WDR20: variants seen among roughly 807,000 people sequenced by gnomAD.
WDR20 encodes the protein WD repeat-containing protein 20.
WDR20 carries 3 observed loss-of-function variants against 38.7 expected under a neutral mutation model. That is an observed-to-expected ratio of 0.08 (90% CI 0.04 to 0.20). The LOEUF (loss-of-function observed/expected upper bound fraction) is 0.20. Among genes scored for constraint, WDR20 ranks in the 10% least tolerant of loss-of-function variants. The pLI, the probability that WDR20 is intolerant of heterozygous loss-of-function variation, is 1.00. For synonymous variants in WDR20, 298 were observed against 285.6 expected (o/e 1.04, Z -0.44); for missense variants, 559 against 727.7 (o/e 0.77, Z 2.67).
chr14:102,161,143 T>TATATATATATATATATATA (rs1491558046), intron 1 of WDR20, among the ~76,000 whole-genome samples: 60 of 11,216 alleles, frequency 5.3e-3, no homozygotes, highest in Non-Finnish European at 6.8e-3. Context: ...TATATATATA[T>TATATATATATATATATATA]TTTTTTTTTT....
At chr14:102,169,592 C>T (rs189466740) in intron 1 of WDR20, among the ~76,000 whole-genome samples, 9 of 152,098 alleles carry the variant, frequency 5.9e-5, no homozygotes, top group African/African-American at 9.6e-5. Context: ...AGTGCAATGG[C>T]GTAATGCTCA....
chr14:102,210,120 T>C lies in WDR20; in HGVS notation c.*240T>C. 7.9e-7 allele frequency: 1 copy of C among 1,273,190 alleles called. No homozygotes were observed. The highest frequency in any genetic ancestry group is 9.9e-7 in the Non-Finnish European group (1 of 1,010,402). 78.9% of individuals were successfully genotyped at this position (1,273,190 alleles called of 1,614,324 possible). A position where few individuals can be genotyped will look rare whatever the true frequency, so the allele number is the denominator to read the frequency against. ...GCCAAGTCAGTCATCCTCCTGGGAG[T>C]ATATAGAGTCCCAAGGTTAGCGCTC... On this transcript the variant is annotated 3_prime_UTR_variant, in exon 3 of 3. Coordinates refer to ENST00000342702, the MANE Select transcript of WDR20 (RefSeq NM_144574.4).
rs2063024562 is a variant in WDR20, at chr14:102,179,957, A to G, written c.250-14981A>G. Reference sequence around the variant, plus strand: ...CACTTGAGGTCAGGAGTTCAAGACCAGCCTGACCAACATGGTGAAACCCTG... The same window carrying G: ...CACTTGAGGTCAGGAGTTCAAGACCGGCCTGACCAACATGGTGAAACCCTG... On this transcript the variant is annotated intron_variant, in intron 1 of 2. Transcript: ENST00000342702. 2.0e-5 allele frequency among the ~76,000 whole-genome samples: 3 copies of G among 152,172 alleles called. No individual in the cohort carries two copies. In the South Asian group the frequency reaches 6.2e-4, roughly 32 times the overall value.
At chr14:102,156,358 T>C (rs965061580) in intron 1 of WDR20, among the ~76,000 whole-genome samples, 3 of 151,540 alleles carry the variant, frequency 2.0e-5, no homozygotes, top group Non-Finnish European at 4.4e-5. Context: ...TTAGCAGAGA[T>C]GGGGTTTCGC....
chr14:102,190,862 A>C (rs952428230), intron 1 of WDR20, among the ~76,000 whole-genome samples: 79 of 151,988 alleles, frequency 5.2e-4, no homozygotes, highest in African/African-American at 1.9e-3. Flanking sequence ...TTAGCCGGGC[A>C]TGTTGGTGCA....
chr14:102,212,692 G>A, downstream of WDR20: 2 of 1,504,666 alleles, frequency 1.3e-6, no homozygotes, highest in Non-Finnish European at 8.9e-7. Context: ...GAGGGCCTGG[G>A]GAGGGGTGGC....
chr14:102,216,335 C>T (rs559393295), downstream of WDR20, among the ~76,000 whole-genome samples: 10 of 152,320 alleles, frequency 6.6e-5, no homozygotes, highest in African/African-American at 2.2e-4. Flanking sequence ...TTTTTTGAGA[C>T]AGGGTCTCGC....
chr14:102,198,304 G>T, intron 2 of WDR20: 1 of 337,200 alleles, frequency 3.0e-6, no homozygotes, highest in Non-Finnish European at 5.9e-6. Context: ...TTTTAGTAGA[G>T]ACGGGATTTC....
At position 102,222,780 on chromosome 14, in the gene WDR20, G is replaced by GTTGCCCGTCCGGTGTT. The variant is rs1567111485; in HGVS notation, c.1693-45_1693-30dup. 1.2e-6 allele frequency: 2 copies of GTTGCCCGTCCGGTGTT among 1,610,482 alleles called. No homozygotes were observed. The highest frequency in any genetic ancestry group is 4.5e-5 in the East Asian group (2 of 44,864). On this transcript the variant is annotated intron_variant, in intron 3 of 3. Transcript: ENST00000335263. The surrounding 1 kb of genome is among the most constrained non-coding windows in gnomAD (Gnocchi z 4.4). ...CTGGCGGAGGGCGCGCATGGTGGCT[G>GTTGCCCGTCCGGTGTT]TTGCCCGTCCGGTGTTTTGCTGGAT... is the stretch of plus-strand genomic sequence containing the variant.
chr14:102,161,485 T>C (rs1310327102), intron 1 of WDR20, among the ~76,000 whole-genome samples: 1 of 151,966 alleles, frequency 6.6e-6, no homozygotes, highest in Non-Finnish European at 1.5e-5. Context: ...GTTTAATTTT[T>C]GTGTTTTTTG....
downstream of WDR20, among the ~76,000 whole-genome samples, chr14:102,218,973 G>A (rs1286807930): frequency 5.3e-5 from 8 of 152,194 alleles, no homozygotes; most frequent in Non-Finnish European, 2.9e-5. Flanking sequence ...CCCATGAAAA[G>A]GAAGCAGAAG....
downstream of WDR20, among the ~76,000 whole-genome samples, chr14:102,224,247 A>G (rs370671826): frequency 9.8e-4 from 149 of 151,700 alleles, 4 homozygotes; most frequent in East Asian, 0.022. Flanking sequence ...TCACCATGTT[A>G]GCCAGGATGG....
chr14:102,140,261 G>T (rs2050394874), intron 1 of WDR20, 89 bp downstream of exon 1: 2 of 1,555,862 alleles, frequency 1.3e-6, no homozygotes, highest in Non-Finnish European at 1.7e-6. Flanking sequence ...GTGACCGAGA[G>T]GGGTGGCCGT....
At chr14:102,190,609 G>C (rs987652673) in intron 1 of WDR20, among the ~76,000 whole-genome samples, 2 of 151,900 alleles carry the variant, frequency 1.3e-5, no homozygotes, top group Non-Finnish European at 2.9e-5. Flanking sequence ...AAAAAGTGTT[G>C]ACTAGACAGA....
In WDR20 at chr14:102,147,624, A is replaced by T. The variant is rs114079413; in HGVS notation, c.249+7452A>T. 7.4e-3 allele frequency among the ~76,000 whole-genome samples: 1,134 copies of T among 152,344 alleles called. 16 individuals are homozygous for T. Among genetic ancestry groups the T allele is most frequent in the African/African-American group, 0.026 (1,061 of 41,582 alleles). ...ACTTAATATAGTGACTTAAGGGTAA[A>T]GTGCTTTGATGGCAAACTTGAGCTT... is the stretch of plus-strand genomic sequence containing the variant. On this transcript the variant is annotated intron_variant, in intron 1 of 2. Transcript: ENST00000342702.
At chr14:102,174,973 GCA>G (rs887524180) in intron 1 of WDR20, among the ~76,000 whole-genome samples, 2 of 152,142 alleles carry the variant, frequency 1.3e-5, no homozygotes, top group African/African-American at 4.8e-5. Context: ...TTTGCTGGAT[GCA>G]CAGTTTGTGA....
chr14:102,203,004 T>C (rs1451397789), intron 2 of WDR20, among the ~76,000 whole-genome samples: 1 of 152,196 alleles, frequency 6.6e-6, no homozygotes, highest in East Asian at 1.9e-4. Flanking sequence ...CCAGCCACAT[T>C]CTGCCACGCT....
chr14:102,173,231 G>A (rs1029054940), intron 1 of WDR20, among the ~76,000 whole-genome samples: 1 of 151,210 alleles, frequency 6.6e-6, no homozygotes, highest in African/African-American at 2.4e-5. Flanking sequence ...TTCTGCCTCA[G>A]CCTCACGAGC....
chr14:102,210,895 G>T (rs913825900), downstream of WDR20, among the ~76,000 whole-genome samples: 1 of 152,134 alleles, frequency 6.6e-6, no homozygotes, highest in East Asian at 1.9e-4. Flanking sequence ...GGAAGTGCAG[G>T]TTTCCCCTCT....
Sources: gnomAD v4.1 joint callset for allele counts (sites outside exome capture counted in the v4.1 genomes callset) on GRCh38, gnomAD v4.1.1 for gene constraint, Gnocchi (gnomAD v3.1) non-coding constraint, MANE v1.5 for transcripts, NCBI Gene and HGNC (gene_info 2026-07-23, HGNC 2026-07-21) for gene names.